Variants in MCPH1 observed in about 807,000 individuals in gnomAD.
MCPH1 encodes the protein microcephalin 1.
MCPH1 carries 104 observed loss-of-function variants against 84.5 expected under a neutral mutation model. The ratio of observed to expected loss-of-function variants is 1.23; its 90% CI spans 1.05 to 1.45. The LOEUF (loss-of-function observed/expected upper bound fraction) is 1.45, where lower values mean the gene tolerates loss of function less well. Among genes scored for constraint, MCPH1 ranks in the 40% most tolerant of loss-of-function variants. MCPH1 has a pLI of 0.00. For synonymous variants in MCPH1, 514 were observed against 366.8 expected, an observed-to-expected ratio of 1.40 and a Z score of -4.58; for missense variants, 1,498 against 1,005.7, an observed-to-expected ratio of 1.49 and a Z score of -6.62.
At chr8:6,576,641 G>T (rs1370512000) in intron 12 of MCPH1, among the ~76,000 whole-genome samples, 1 of 142,382 alleles carries the variant, frequency 7.0e-6, no homozygotes, top group Non-Finnish European at 1.5e-5. Context: ...CTGAGTAGCT[G>T]GGATTACAGG....
At chr8:6,503,627 TTG>T (rs1208498076) in intron 12 of MCPH1, among the ~76,000 whole-genome samples, 4 of 152,184 alleles carry the variant, frequency 2.6e-5, no homozygotes, top group Non-Finnish European at 4.4e-5. Flanking sequence ...CAGGATTACT[TTG>T]CAGTCCCAGC....
rs541250796 is a variant in MCPH1 at position 6,449,676 on chromosome 8, T to C, written c.1825+4129T>C. 6.6e-5 allele frequency among the ~76,000 whole-genome samples: 10 copies of C among 152,240 alleles called. No individual in the cohort carries two copies. In the East Asian group the frequency reaches 1.9e-3, roughly 29 times the overall value. ...AAGAAATAGGAAATTCCCTTTGCTC[T>C]TGCACTCAGTCTGAAAAGTGCTGCT... On this transcript the variant is annotated intron_variant, in intron 8 of 13. Coordinates refer to ENST00000344683, the MANE Select transcript of MCPH1 (RefSeq NM_024596.5).
At chr8:6,603,381 G>A (rs1285185204) in intron 12 of MCPH1, among the ~76,000 whole-genome samples, 2 of 151,910 alleles carry the variant, frequency 1.3e-5, no homozygotes, top group Admixed American at 1.3e-4. Context: ...TTTTGATTGA[G>A]GTGTTATTAC....
chr8:6,609,564 A>G (rs1489660313), intron 12 of MCPH1, among the ~76,000 whole-genome samples: 1 of 152,226 alleles, frequency 6.6e-6, no homozygotes, highest in Non-Finnish European at 1.5e-5. Flanking sequence ...GGGGGAAAAA[A>G]TACATTCCGC....
Position 6,601,723 on chromosome 8 carries a change from A to T in MCPH1, c.2215-19731A>T, listed in dbSNP as rs1327311164. Among the ~76,000 whole-genome samples the T allele has an allele frequency of 7.8e-3, 1,079 of 137,802 alleles. 6 individuals are homozygous for T. The highest frequency in any genetic ancestry group is 0.033 in the African/African-American group (1,006 of 30,360). The allele number at this position is 137,802 out of a possible 152,430, so 90.4% of individuals were successfully genotyped here. On this transcript the variant is annotated intron_variant, in intron 12 of 13. Transcript: ENST00000344683. The stretch of plus-strand genomic sequence containing the variant: ...CACACAACACACACCACACACACAC[A>T]CCCAATCACATACCACATATACCCA...
intron 13 of MCPH1, among the ~76,000 whole-genome samples, chr8:6,627,865 C>T (rs1796860975): frequency 6.6e-6 from 1 of 151,922 alleles, no homozygotes; most frequent in Non-Finnish European, 1.5e-5. Context: ...GCACTCCAGC[C>T]TGTGCGACAG....
At chr8:6,424,456 C>T (rs1800750613) in intron 3 of MCPH1, among the ~76,000 whole-genome samples, 1 of 152,162 alleles carries the variant, frequency 6.6e-6, no homozygotes, top group Admixed American at 6.5e-5. Flanking sequence ...ACCACGGCTC[C>T]TTTCCTCCCG....
intron 12 of MCPH1, among the ~76,000 whole-genome samples, chr8:6,564,582 C>CA (rs1825986187): frequency 7.8e-5 from 4 of 51,152 alleles, no homozygotes; most frequent in East Asian, 1.8e-3. Flanking sequence ...GCCTTTGCTG[C>CA]GGTTTATCTC....
intron 4 of MCPH1, among the ~76,000 whole-genome samples, chr8:6,432,043 C>G (rs1246028354): frequency 6.6e-6 from 1 of 152,204 alleles, no homozygotes; most frequent in African/African-American, 2.4e-5. Flanking sequence ...GTTCCGGGAC[C>G]CCCACAGATA....
At chr8:6,447,895 T>C (rs1804637153) in intron 8 of MCPH1, among the ~76,000 whole-genome samples, 2 of 152,148 alleles carry the variant, frequency 1.3e-5, no homozygotes, top group Admixed American at 1.3e-4. Flanking sequence ...TTTTTTTCTT[T>C]TTTACTTTTT....
intron 12 of MCPH1, among the ~76,000 whole-genome samples, chr8:6,536,452 A>G (rs1304985484): frequency 6.6e-6 from 1 of 152,174 alleles, no homozygotes; most frequent in Non-Finnish European, 1.5e-5. Context: ...ATGCCTTCCA[A>G]TTCCAGGCTT....
intron 12 of MCPH1, among the ~76,000 whole-genome samples, chr8:6,570,641 C>A (rs952452017): frequency 6.6e-6 from 1 of 152,148 alleles, no homozygotes; most frequent in Non-Finnish European, 1.5e-5. Flanking sequence ...TGGGAAGGAT[C>A]ACAGTTAATA....
chr8:6,505,045 C>T (rs1418069151), intron 12 of MCPH1, among the ~76,000 whole-genome samples: 1 of 151,110 alleles, frequency 6.6e-6, no homozygotes, highest in Non-Finnish European at 1.5e-5. Context: ...TTGATATCTC[C>T]ATATGTAGGA....
In MCPH1 at chr8:6,455,691, T is replaced by C. The variant is rs138190303; in HGVS notation, c.1935+439T>C. Among the ~76,000 whole-genome samples the C allele has an allele frequency of 2.9e-3, 435 of 152,350 alleles. 4 individuals are homozygous for C. The highest frequency in any genetic ancestry group is 1.0e-2 in the African/African-American group (414 of 41,584). Reference sequence around the variant, plus strand: ...ACACTCAGGTACACCCTTCCCTTTGTGGTTTTGGCTTTAAAACCTTGCTCT... The same window carrying C: ...ACACTCAGGTACACCCTTCCCTTTGCGGTTTTGGCTTTAAAACCTTGCTCT... On this transcript the variant is annotated intron_variant, in intron 9 of 13. Transcript: ENST00000344683.
chr8:6,521,464 A>AT, intron 12 of MCPH1: 2 of 1,252,738 alleles, frequency 1.6e-6, no homozygotes, highest in Non-Finnish European at 2.2e-6. Flanking sequence ...GAAATATTTT[A>AT]TATTTATTGA....
chr8:6,574,162 G>A (rs974133359), intron 12 of MCPH1, among the ~76,000 whole-genome samples: 1 of 152,160 alleles, frequency 6.6e-6, no homozygotes, highest in Non-Finnish European at 1.5e-5. Context: ...CTAAGGCTGC[G>A]GTACAATGTG....
In MCPH1 at chr8:6,406,655, C is replaced by A. The variant is rs1412653857; in HGVS notation, c.-13C>A. On this transcript the variant is annotated 5_prime_UTR_variant, in exon 1 of 14. Transcript: ENST00000344683. ...CACCGCGTAGGCCAGCTGGCCGGAT[C>A]CCGCCGTCTGTCATGGCGGCCCCCA... 2 of 1,611,904 alleles carry A rather than the reference C, an allele frequency of 1.2e-6. No homozygotes were observed. Among genetic ancestry groups the A allele is most frequent in the Non-Finnish European group, 1.7e-6 (2 of 1,179,438 alleles).
intron 1 of MCPH1, among the ~76,000 whole-genome samples, chr8:6,407,321 A>AT (rs1343836620): frequency 2.0e-5 from 3 of 151,932 alleles, no homozygotes; most frequent in East Asian, 1.9e-4. Flanking sequence ...GTATTGTCTG[A>AT]TTTTTTTAAC....
At chr8:6,419,304 T>C (rs1252702681) in intron 3 of MCPH1, among the ~76,000 whole-genome samples, 1 of 152,108 alleles carries the variant, frequency 6.6e-6, no homozygotes, top group Non-Finnish European at 1.5e-5. Flanking sequence ...ACTGCAGCCT[T>C]GACCTCTAAG....
Sources: gnomAD v4.1 joint callset for allele counts (sites outside exome capture counted in the v4.1 genomes callset) on GRCh38, gnomAD v4.1.1 for gene constraint, MANE v1.5 for transcripts, NCBI Gene and HGNC (gene_info 2026-07-23, HGNC 2026-07-21) for gene names.